SAMD15: variants seen among roughly 807,000 people sequenced by gnomAD.
The protein encoded by SAMD15 is sterile alpha motif domain containing 15, also known as sterile alpha motif domain-containing protein 15.
A neutral mutation model predicts 50.5 loss-of-function variants in SAMD15; 37 were observed. The observed-to-expected ratio is 0.73, with a 90% confidence interval of 0.56 to 0.96. The LOEUF is 0.96. Among genes scored for constraint, SAMD15 ranks in the 40% least tolerant of loss-of-function variants. The probability of loss-of-function intolerance (pLI) is 0.00; values close to 1 mark genes in which losing one functional copy is unlikely to be tolerated. For synonymous variants in SAMD15, 255 were observed against 282.8 expected (o/e 0.90, Z 0.99); for missense variants, 789 against 783.8 (o/e 1.01, Z -0.08).
intron 2 of SAMD15, among the ~76,000 whole-genome samples, chr14:77,385,176 C>A (rs912699521): frequency 6.6e-6 from 1 of 151,906 alleles, no homozygotes; most frequent in Admixed American, 6.6e-5. Flanking sequence ...GAGTGAAACT[C>A]CATCTCAAAA....
chr14:77,382,407 G>C (rs1488350934), intron 2 of SAMD15, among the ~76,000 whole-genome samples: 1 of 152,180 alleles, frequency 6.6e-6, no homozygotes, highest in Non-Finnish European at 1.5e-5. Context: ...ACAGGCGTGA[G>C]CCACCGCACC....
rs1303916513 is a variant in SAMD15 at position 77,377,636 on chromosome 14, A to G, written c.218A>G (p.Lys73Arg). The change falls in exon 1 of 3, where the codon AAG becomes AGG. Residue 73 changes from lysine to arginine, a missense_variant. By Grantham distance (26) the Lys-to-Arg change is conservative. Transcript: ENST00000216471. ...DFKEGEPDSA[K>R]NVQLKPGGTS... ...AAAGAGGGGGAGCCAGACAGTGCTAAGAACGTGCAGCTGAAACCTGGCGGG... is the reference window on the plus strand; with the variant it reads ...AAAGAGGGGGAGCCAGACAGTGCTAGGAACGTGCAGCTGAAACCTGGCGGG... 6.2e-7 allele frequency: 1 copy of G among 1,614,230 alleles called. No homozygotes were observed. The highest frequency in any genetic ancestry group is 2.2e-5 in the East Asian group (1 of 44,890).
At chr14:77,385,827 A>G (rs1893998251) in intron 2 of SAMD15, among the ~76,000 whole-genome samples, 1 of 144,936 alleles carries the variant, frequency 6.9e-6, no homozygotes. Context: ...CACAGCCTTT[A>G]TTCCACCCCA....
At chr14:77,385,635 T>G (rs1467639168) in intron 2 of SAMD15, among the ~76,000 whole-genome samples, 1 of 152,136 alleles carries the variant, frequency 6.6e-6, no homozygotes, top group Non-Finnish European at 1.5e-5. Context: ...GTAAATATGT[T>G]TCCCTATGAA....
rs1182229120 is a variant in SAMD15 at position 77,377,479 on chromosome 14, G to C, written c.61G>C (p.Glu21Gln). 5.0e-6 allele frequency: 8 copies of C among 1,614,118 alleles called. No individual in the cohort carries two copies. The highest frequency in any genetic ancestry group is 6.8e-6 in the Non-Finnish European group (8 of 1,179,994). The change falls in exon 1 of 3, where the codon GAG becomes CAG. Residue 21 changes from glutamate to glutamine, a missense_variant. By Grantham distance (29) the Glu-to-Gln change is conservative (BLOSUM62 2). Transcript: ENST00000216471. ...GPDEDGELEP[E>Q]RPELPGLHKL... ...AGATGAAGATGGAGAGCTGGAGCCTGAGAGGCCTGAACTGCCTGGACTTCA... is the reference window on the plus strand; with the variant it reads ...AGATGAAGATGGAGAGCTGGAGCCTCAGAGGCCTGAACTGCCTGGACTTCA...
rs1365232485 is a variant in SAMD15, at chr14:77,377,475, G to A, written c.57G>A (p.Glu19=). 3.1e-6 allele frequency: 5 copies of A among 1,613,982 alleles called. 1 individual carries two copies. The South Asian group carries it at 5.5e-5, about 18-fold the overall frequency. ...GCCCAGATGAAGATGGAGAGCTGGAGCCTGAGAGGCCTGAACTGCCTGGAC... is the reference window on the plus strand; with the variant it reads ...GCCCAGATGAAGATGGAGAGCTGGAACCTGAGAGGCCTGAACTGCCTGGAC... ...DSGPDEDGEL[E]PERPELPGLH... is the part of the protein sequence containing the mutation. Residue 19 remains glutamate (E), a synonymous_variant, in exon 1 of 3, where the codon GAG becomes GAA. Coordinates refer to ENST00000216471, the MANE Select transcript of SAMD15 (RefSeq NM_001010860.4).
In SAMD15 at chr14:77,377,628, C is replaced by T. The variant is rs45540040; in HGVS notation, c.210C>T (p.Asp70=). The T allele has an allele frequency of 0.2, 316,665 of 1,613,942 alleles. 33,162 individuals carry two copies. The highest frequency in any genetic ancestry group is 0.28 in the Admixed American group (16,740 of 60,000). The change falls in exon 1 of 3, where the codon GAC becomes GAT. Residue 70 remains aspartate (D), a synonymous_variant. Coordinates refer to ENST00000216471, the MANE Select transcript of SAMD15 (RefSeq NM_001010860.4). Reference sequence around the variant, plus strand: ...AGGACTTCAAAGAGGGGGAGCCAGACAGTGCTAAGAACGTGCAGCTGAAAC... The same window carrying T: ...AGGACTTCAAAGAGGGGGAGCCAGATAGTGCTAAGAACGTGCAGCTGAAAC... ...EEEDFKEGEP[D]SAKNVQLKPG...
chr14:77,379,911 G>T (rs1297308945), intron 1 of SAMD15, among the ~76,000 whole-genome samples: 1 of 152,214 alleles, frequency 6.6e-6, no homozygotes, highest in African/African-American at 2.4e-5. Context: ...TAAAAAGTCA[G>T]TGTAAACCTC....
intron 1 of SAMD15, 159 bp downstream of exon 1, chr14:77,379,266 T>G (rs1239634103): frequency 3.1e-6 from 2 of 647,954 alleles, no homozygotes; most frequent in African/African-American, 3.7e-5. Context: ...GCCTTGCCAC[T>G]GATGTATATT....
chr14:77,382,703 A>G (rs1893958178), intron 2 of SAMD15, among the ~76,000 whole-genome samples: 1 of 151,828 alleles, frequency 6.6e-6, no homozygotes, highest in South Asian at 2.1e-4. Context: ...TGATGTGGAA[A>G]TGATCCTTTA....
chr14:77,389,488 C>G (rs1223063133), intron 2 of SAMD15, among the ~76,000 whole-genome samples: 1 of 146,366 alleles, frequency 6.8e-6, no homozygotes, highest in Non-Finnish European at 1.5e-5. Flanking sequence ...TTTGAAAAGG[C>G]AATCACAATT....
At position 77,391,258 on chromosome 14, in the gene SAMD15, C is replaced by T; in HGVS notation, c.*14C>T. Reference sequence around the variant, plus strand: ...ACTGAACCATAGGGGAAATCCACTTCACAGAGCTTGAAAGATCAAACTAAA... The same window carrying T: ...ACTGAACCATAGGGGAAATCCACTTTACAGAGCTTGAAAGATCAAACTAAA... On this transcript the variant is annotated 3_prime_UTR_variant, in exon 3 of 3. Transcript: ENST00000216471. The T allele has an allele frequency of 6.6e-7, 1 of 1,517,240 alleles. No homozygotes were observed. Among genetic ancestry groups the T allele is most frequent in the South Asian group, 1.1e-5 (1 of 88,152 alleles). The allele number at this position is 1,517,240 out of a possible 1,614,324, so 94.0% of individuals were successfully genotyped here. A position where few individuals can be genotyped will look rare whatever the true frequency, so the allele number is the denominator to read the frequency against.
Position 77,378,021 on chromosome 14 carries a change from T to G in SAMD15, c.603T>G (p.His201Gln), listed in dbSNP as rs1490243232. 6.2e-7 allele frequency: 1 copy of G among 1,613,878 alleles called. No homozygotes were observed. Among genetic ancestry groups the G allele is most frequent in the Admixed American group, 1.7e-5 (1 of 60,002 alleles). Reference sequence around the variant, plus strand: ...CAGAGGAATCACTTAGAGTGCAACATGAAGAGACAGGTCTAGAGCCTCCAG... The same window carrying G: ...CAGAGGAATCACTTAGAGTGCAACAGGAAGAGACAGGTCTAGAGCCTCCAG... ...GVPEESLRVQ[H>Q]EETGLEPPEQ... is the part of the protein sequence containing the mutation. Residue 201 changes from histidine to glutamine, a missense_variant, in exon 1 of 3, where the codon CAT becomes CAG. Coordinates refer to ENST00000216471, the MANE Select transcript of SAMD15 (RefSeq NM_001010860.4).
At chr14:77,388,382 C>CGTGTTTGT (rs1555361791) in intron 2 of SAMD15, among the ~76,000 whole-genome samples, 18 of 133,068 alleles carry the variant, frequency 1.4e-4, no homozygotes, top group African/African-American at 5.2e-4. Flanking sequence ...GCCACCTGTT[C>CGTGTTTGT]GTGTGTGTGT....
rs1286127593 is a variant in SAMD15 at position 77,379,007 on chromosome 14, C to G, written c.1589C>G (p.Thr530Ser). ...GAACGGGTCTCTGAAGATGACGAAA[C>G]CCAGCCAGAAAAAGGGACTGAGTTA... ...LKERVSEDDE[T>S]QPEKGTELQF... Residue 530 changes from threonine (T) to serine (S), a missense_variant, in exon 1 of 3, where the codon ACC (threonine) becomes AGC (serine). Physicochemically the swap from Thr to Ser is moderately conservative, Grantham distance 58. Transcript: ENST00000216471. 1 of 1,614,118 alleles carries G rather than the reference C, an allele frequency of 6.2e-7. No homozygotes were observed. Among genetic ancestry groups the G allele is most frequent in the Admixed American group, 1.7e-5 (1 of 60,012 alleles).
At chr14:77,390,625 C>T (rs1335684927) in intron 2 of SAMD15, among the ~76,000 whole-genome samples, 2 of 152,194 alleles carry the variant, frequency 1.3e-5, no homozygotes, top group African/African-American at 4.8e-5. Context: ...TGCAGTGGCT[C>T]ACGCCTGCAA....
At position 77,391,207 on chromosome 14, in the gene SAMD15, C is replaced by A. The variant is rs1894068495; in HGVS notation, c.1988C>A (p.Pro663His). 6.2e-7 allele frequency: 1 copy of A among 1,613,668 alleles called. No homozygotes were observed. Residue 663 changes from proline (P) to histidine (H), a missense_variant, in exon 3 of 3, where the codon CCT becomes CAT. Physicochemically the swap from Pro to His is moderately conservative, Grantham distance 77 (BLOSUM62 -2). Coordinates refer to ENST00000216471, the MANE Select transcript of SAMD15 (RefSeq NM_001010860.4). ...GATTATGCTCCAGAAATAACTGCCCCTGAAGAGAATGAGGAATTACCTTGC... is the reference window on the plus strand; with the variant it reads ...GATTATGCTCCAGAAATAACTGCCCATGAAGAGAATGAGGAATTACCTTGC... Reference protein sequence around the residue: ...LQDYAPEITAPEENEELPCTE... With the variant: ...LQDYAPEITAHEENEELPCTE...
At chr14:77,383,700 T>C (rs1376259972) in intron 2 of SAMD15, among the ~76,000 whole-genome samples, 1 of 152,108 alleles carries the variant, frequency 6.6e-6, no homozygotes, top group African/African-American at 2.4e-5. Context: ...TGGCCAGGTC[T>C]GGTGGCTCAC....
At position 77,379,049 on chromosome 14, in the gene SAMD15, A is replaced by G. The variant is rs768960160; in HGVS notation, c.1631A>G (p.Asn544Ser). The change falls in exon 1 of 3, where the codon AAT (asparagine) becomes AGT (serine). Residue 544 changes from asparagine (N) to serine (S), a missense_variant. Physicochemically the swap from Asn to Ser is conservative, Grantham distance 46. This residue lies in a region of SAMD15 where 770 missense variants were observed against 745.4 expected (regional missense o/e 1.03). Transcript: ENST00000216471. Reference sequence around the variant, plus strand: ...ACTGAGTTACAATTTGAGCATCTTAATTGGGATCCAGAGGAAGTTGCAGAG... The same window carrying G: ...ACTGAGTTACAATTTGAGCATCTTAGTTGGGATCCAGAGGAAGTTGCAGAG... ...KGTELQFEHL[N>S]WDPEEVAEWI... The G allele has an allele frequency of 1.9e-6, 3 of 1,614,036 alleles. No homozygotes were observed. The highest frequency in any genetic ancestry group is 2.5e-6 in the Non-Finnish European group (3 of 1,179,856).
Sources: allele counts gnomAD v4.1 joint callset (sites outside exome capture counted in the v4.1 genomes callset), GRCh38; gene constraint gnomAD v4.1.1; regional missense constraint gnomAD v4.1.1; transcripts MANE v1.5; gene names NCBI Gene and HGNC (gene_info 2026-07-23, HGNC 2026-07-21).